The following MECR variants were observed in gnomAD, a reference collection of about 807,000 sequenced individuals.
MECR encodes the protein enoyl-[acyl-carrier-protein] reductase, mitochondrial.
In MECR, 37 loss-of-function variants were observed where a neutral mutation model predicts 49.1. The ratio of observed to expected loss-of-function variants is 0.75; its 90% CI spans 0.58 to 0.99. MECR has a LOEUF of 0.99. Ranked by LOEUF, MECR falls within the 50% of genes least tolerant of loss-of-function variation. The pLI, the probability that MECR is intolerant of heterozygous loss-of-function variation, is 0.00. For synonymous variants in MECR, 198 were observed against 191.1 expected (o/e 1.04, Z -0.30); for missense variants, 470 against 479.6 (o/e 0.98, Z 0.19).
chr1:29,195,907 A>T, intron 9 of MECR, 34 bp downstream of exon 9: 1 of 1,610,766 alleles, frequency 6.2e-7, no homozygotes, highest in Non-Finnish European at 8.5e-7. Context: ...CACTGCCCTC[A>T]TCTGTGACTC....
chr1:29,223,249 A>G (rs1282410641), intron 1 of MECR: 1 of 985,288 alleles, frequency 1.0e-6, no homozygotes, highest in African/African-American at 1.7e-5. Flanking sequence ...CTTTGAGGCC[A>G]AGGCTGTACA....
intron 1 of MECR, among the ~76,000 whole-genome samples, chr1:29,226,387 T>C (rs1174007005): frequency 6.6e-6 from 1 of 152,028 alleles, no homozygotes. Flanking sequence ...TTCTACAGCG[T>C]AGAAATTTGG....
At chr1:29,215,900 A>G in intron 3 of MECR, 105 bp downstream of exon 3, 1 of 1,315,166 alleles carries the variant, frequency 7.6e-7, no homozygotes, top group Non-Finnish European at 1.0e-6. Context: ...AAAAAAATAA[A>G]CCCTGCATTA....
At chr1:29,174,210 A>G in the MECR span, among the ~76,000 whole-genome samples, 1 of 6,202 alleles carries the variant, frequency 1.6e-4, no homozygotes, top group South Asian at 0.056. Flanking sequence ...AAAAAGAAAA[A>G]AGAAAAAAAA....
downstream of MECR, among the ~76,000 whole-genome samples, chr1:29,192,023 T>C (rs557767186): frequency 1.3e-5 from 2 of 152,076 alleles, no homozygotes; most frequent in East Asian, 3.9e-4. Flanking sequence ...ACCCAGGAGG[T>C]TGAGGCTGCA....
the MECR span, chr1:29,170,025 A>G: frequency 4.6e-5 from 7 of 152,382 alleles, no homozygotes; most frequent in Non-Finnish European, 8.8e-5. Flanking sequence ...GGATCAAACT[A>G]TCATTACCCC....
At chr1:29,181,820 G>C in the MECR span, 1 of 1,341,474 alleles carries the variant, frequency 7.5e-7, no homozygotes, top group Non-Finnish European at 9.7e-7. Flanking sequence ...CAAAGCGAGA[G>C]CACGGCGGCA....
intron 4 of MECR, among the ~76,000 whole-genome samples, chr1:29,204,524 T>C (rs1676102419): frequency 6.6e-6 from 1 of 151,980 alleles, no homozygotes; most frequent in African/African-American, 2.4e-5. Flanking sequence ...ATAGTAAGGG[T>C]ATTTCACGAA....
At position 29,193,900 on chromosome 1, in the gene MECR, A is replaced by G. The variant is rs1186361024; in HGVS notation, c.*122T>C. On this transcript the variant is annotated 3_prime_UTR_variant, in exon 10 of 10. Coordinates refer to ENST00000263702, the MANE Select transcript of MECR (RefSeq NM_016011.5). Reference sequence around the variant, plus strand: ...CCGTGGCTGGCTTCACCATCCTCCTAATAGGAAGAGGCAGTGAGGAGAACA... The same window carrying G: ...CCGTGGCTGGCTTCACCATCCTCCTGATAGGAAGAGGCAGTGAGGAGAACA... 1.8e-5 allele frequency: 22 copies of G among 1,222,278 alleles called. No homozygotes were observed. Among genetic ancestry groups the G allele is most frequent in the Non-Finnish European group, 2.4e-5 (21 of 873,846 alleles). 75.7% of individuals were successfully genotyped at this position (1,222,278 alleles called of 1,614,324 possible).
intron 4 of MECR, among the ~76,000 whole-genome samples, chr1:29,205,180 T>C (rs1315289989): frequency 6.6e-6 from 1 of 151,954 alleles, no homozygotes; most frequent in Admixed American, 6.6e-5. Flanking sequence ...AGTTTTTGTT[T>C]TGTTTTGTTT....
At position 29,216,125 on chromosome 1, in the gene MECR, A is replaced by G. The variant is rs1128400; in HGVS notation, c.286T>C (p.Phe96Leu). 1,395,996 of 1,613,440 alleles carry G rather than the reference A, an allele frequency of 0.87. 608,999 individuals carry two copies. The highest frequency in any genetic ancestry group is 0.9 in the Non-Finnish European group (1,059,130 of 1,179,630). The stretch of plus-strand genomic sequence containing the variant: ...CCAACAGCAGGCAGTTCAGGAAGGA[A>G]TCCGTAGTTTCCTGAGGGAGAAGAG... ...DINMIQGNYG[F>L]LPELPAVGGN... The change falls in exon 3 of 10, where the codon TTC (phenylalanine) becomes CTC (leucine). Residue 96 changes from phenylalanine (F) to leucine (L), a missense_variant. Transcript: ENST00000263702.
the MECR span, among the ~76,000 whole-genome samples, chr1:29,174,677 T>G: frequency 1.4e-5 from 2 of 144,524 alleles, no homozygotes; most frequent in Non-Finnish European, 3.1e-5. Context: ...GGAGATAGGT[T>G]TTTTTTTTTT....
chr1:29,194,211 A>G (rs1279561574), intron 9 of MECR, 32 bp from the exon 10 acceptor site: 19 of 1,574,106 alleles, frequency 1.2e-5, no homozygotes, highest in Non-Finnish European at 1.6e-5. Flanking sequence ...CAGACAAGAG[A>G]ACAGCAGCTG....
At chr1:29,209,873 T>C (rs777009094) in intron 3 of MECR, among the ~76,000 whole-genome samples, 4 of 152,092 alleles carry the variant, frequency 2.6e-5, no homozygotes, top group Non-Finnish European at 4.4e-5. Flanking sequence ...GTTGCTGGGA[T>C]TCTAATGGTG....
At chr1:29,198,240 C>T (rs1295712976) in intron 7 of MECR, among the ~76,000 whole-genome samples, 1 of 152,224 alleles carries the variant, frequency 6.6e-6, no homozygotes, top group Non-Finnish European at 1.5e-5. Context: ...TCCTAACAGG[C>T]CACGAACTGG....
chr1:29,184,702 C>T, the MECR span, among the ~76,000 whole-genome samples: 3 of 151,912 alleles, frequency 2.0e-5, no homozygotes, highest in Non-Finnish European at 2.9e-5. Flanking sequence ...TGCAGTGAGC[C>T]GAGATCGTGC....
At chr1:29,171,636 G>GT in the MECR span, 9 of 151,958 alleles carry the variant, frequency 5.9e-5, no homozygotes, top group Non-Finnish European at 1.3e-4. Context: ...TTACAAATTT[G>GT]TAAGTATCAC....
the MECR span, among the ~76,000 whole-genome samples, chr1:29,181,317 C>T: frequency 6.6e-6 from 1 of 152,236 alleles, no homozygotes; most frequent in Non-Finnish European, 1.5e-5. Context: ...GGCCCCAGTT[C>T]CGGGCCTAGG....
At chr1:29,207,090 T>G (rs1195734464) in intron 3 of MECR, among the ~76,000 whole-genome samples, 185 bp from the exon 4 acceptor site, 1 of 152,142 alleles carries the variant, frequency 6.6e-6, no homozygotes, top group Non-Finnish European at 1.5e-5. Flanking sequence ...GTCTGAGTCC[T>G]CATGATAATT....
Sources: gnomAD v4.1 joint callset for allele counts (sites outside exome capture counted in the v4.1 genomes callset) on GRCh38, gnomAD v4.1.1 for gene constraint, MANE v1.5 for transcripts, NCBI Gene and HGNC (gene_info 2026-07-23, HGNC 2026-07-21) for gene names.